PTPRN2: variants seen among roughly 807,000 people sequenced by gnomAD.
PTPRN2 encodes the protein protein tyrosine phosphatase receptor type N2, also known as receptor-type tyrosine-protein phosphatase N2.
PTPRN2 carries 74 observed loss-of-function variants against 118.8 expected under a neutral mutation model. The ratio of observed to expected loss-of-function variants is 0.62; its 90% CI spans 0.52 to 0.76. PTPRN2 has a LOEUF of 0.76. Ranked by LOEUF, PTPRN2 falls within the 30% of genes least tolerant of loss-of-function variation. The pLI is 0.00. For synonymous variants in PTPRN2, 641 were observed against 608.0 expected (o/e 1.05, Z -0.80); for missense variants, 1,481 against 1,394.4 (o/e 1.06, Z -0.99).
intron 2 of PTPRN2, among the ~76,000 whole-genome samples, chr7:158,349,950 G>A (rs1369420005): frequency 1.3e-5 from 2 of 152,142 alleles, no homozygotes; most frequent in Admixed American, 1.3e-4. Flanking sequence ...CCAAGAACAA[G>A]GGCGTTACTA....
chr7:158,297,028 T>C (rs557485336), intron 3 of PTPRN2, among the ~76,000 whole-genome samples: 8 of 152,320 alleles, frequency 5.3e-5, no homozygotes, highest in East Asian at 3.9e-4. Flanking sequence ...GGAATGTCCA[T>C]GGATAGCATT....
rs1816773813 is a variant in PTPRN2 at position 158,438,896 on chromosome 7, G to C, written c.163+50839C>G. On this transcript the variant is annotated intron_variant, in intron 2 of 22. Transcript: ENST00000389418. The surrounding 1 kb of genome is among the most constrained non-coding windows in gnomAD (Gnocchi z 4.7). ...AGGCTAAAGGGAAAAGTCAAGCTGG[G>C]AACTGCTCAGGGCAAACCTGCCTCC... Among the ~76,000 whole-genome samples the C allele has an allele frequency of 2.0e-5, 3 of 152,160 alleles. No individual in the cohort carries two copies. Among genetic ancestry groups the C allele is most frequent in the African/African-American group, 7.2e-5 (3 of 41,436 alleles).
chr7:157,644,825 A>G (rs1223744482), intron 14 of PTPRN2, among the ~76,000 whole-genome samples: 1 of 151,980 alleles, frequency 6.6e-6, no homozygotes, highest in East Asian at 1.9e-4. Context: ...ACAAAAAACA[A>G]AAGAAAACAA....
At chr7:157,956,854 T>C (rs1482048249) in intron 11 of PTPRN2, among the ~76,000 whole-genome samples, 1 of 152,260 alleles carries the variant, frequency 6.6e-6, no homozygotes, top group Non-Finnish European at 1.5e-5. Flanking sequence ...AATTCATGTT[T>C]GGAATTTACA....
At chr7:157,995,250 CATCCCCA>C (rs1563310989) in intron 11 of PTPRN2, among the ~76,000 whole-genome samples, 2 of 149,930 alleles carry the variant, frequency 1.3e-5, no homozygotes, top group Non-Finnish European at 3.0e-5. Flanking sequence ...ATCAACGCTG[CATCCCCA>C]GCTTACAACT....
chr7:158,253,051 G>C (rs745879267), intron 3 of PTPRN2, among the ~76,000 whole-genome samples: 2 of 152,204 alleles, frequency 1.3e-5, no homozygotes, highest in Non-Finnish European at 2.9e-5. Context: ...ACCAGACCTC[G>C]TTGTCCAGAC....
chr7:158,518,010 C>G (rs1379153660), intron 1 of PTPRN2, among the ~76,000 whole-genome samples: 1 of 152,212 alleles, frequency 6.6e-6, no homozygotes, highest in Non-Finnish European at 1.5e-5. Context: ...CAACATTCTC[C>G]CAGCTCCCTG....
chr7:157,884,509 G>C (rs1796346390), intron 12 of PTPRN2, among the ~76,000 whole-genome samples: 1 of 152,190 alleles, frequency 6.6e-6, no homozygotes, highest in African/African-American at 2.4e-5. Context: ...GGCTTCTCTG[G>C]TCCCCTCCTG....
chr7:158,325,283 G>C (rs1360043318), intron 2 of PTPRN2, among the ~76,000 whole-genome samples: 1 of 152,126 alleles, frequency 6.6e-6, no homozygotes, highest in Non-Finnish European at 1.5e-5. Flanking sequence ...CTGCTTACAG[G>C]CGCCTGTGGC....
intron 2 of PTPRN2, among the ~76,000 whole-genome samples, chr7:158,342,859 T>C (rs375921375): frequency 6.6e-6 from 1 of 151,930 alleles, no homozygotes; most frequent in African/African-American, 2.4e-5. Flanking sequence ...AACCTCATCA[T>C]CGTGCTCACT....
intron 3 of PTPRN2, among the ~76,000 whole-genome samples, chr7:158,303,182 A>AAAAAAAAAAAAAAAAC (rs1274915635): frequency 1.3e-5 from 2 of 151,686 alleles, no homozygotes; most frequent in African/African-American, 4.9e-5. Flanking sequence ...AAAAAAAAAA[A>AAAAAAAAAAAAAAAAC]AAATTCTTTG....
intron 11 of PTPRN2, among the ~76,000 whole-genome samples, chr7:158,066,422 T>G (rs951448308): frequency 6.6e-6 from 1 of 152,240 alleles, no homozygotes; most frequent in Non-Finnish European, 1.5e-5. Flanking sequence ...TCTGGCAGTT[T>G]TGCCACAGAA....
At chr7:157,879,538 C>CA in intron 12 of PTPRN2, among the ~76,000 whole-genome samples, 1 of 152,312 alleles carries the variant, frequency 6.6e-6, no homozygotes, top group Admixed American at 6.5e-5. Flanking sequence ...AGCAAAAACA[C>CA]AGACAATTTT....
At chr7:157,988,645 G>T (rs6971691) in intron 11 of PTPRN2, among the ~76,000 whole-genome samples, 1 of 152,202 alleles carries the variant, frequency 6.6e-6, no homozygotes, top group Non-Finnish European at 1.5e-5. Flanking sequence ...GGGAGCACAG[G>T]GGGGCTGGAG....
intron 5 of PTPRN2, among the ~76,000 whole-genome samples, chr7:158,172,461 C>T (rs547538979): frequency 1.3e-5 from 2 of 151,842 alleles, no homozygotes; most frequent in African/African-American, 2.4e-5. Context: ...ACAGCACCAT[C>T]CCTACCATCA....
chr7:157,835,498 G>A (rs529793350), intron 12 of PTPRN2, among the ~76,000 whole-genome samples: 8 of 152,290 alleles, frequency 5.3e-5, no homozygotes, highest in Non-Finnish European at 7.4e-5. Flanking sequence ...GCTAAAAGAG[G>A]GGATATTAGA....
intron 10 of PTPRN2, among the ~76,000 whole-genome samples, chr7:158,108,197 C>G (rs1387478481): frequency 1.3e-5 from 2 of 151,996 alleles, no homozygotes; most frequent in Non-Finnish European, 2.9e-5. Context: ...GCCCCATGCA[C>G]CTGCCACCTC....
intron 11 of PTPRN2, among the ~76,000 whole-genome samples, chr7:158,071,382 C>CCCA (rs1488932060): frequency 1.5e-4 from 9 of 58,788 alleles, no homozygotes; most frequent in East Asian, 7.6e-4. Flanking sequence ...GGTGGAGGTG[C>CCCA]TCGTGGTGGA....
At chr7:158,490,188 C>G (rs193209645) in intron 1 of PTPRN2, among the ~76,000 whole-genome samples, 1 of 152,230 alleles carries the variant, frequency 6.6e-6, no homozygotes, top group Non-Finnish European at 1.5e-5. Flanking sequence ...GCAAGGCTGC[C>G]GGGCGCCGGG....
Sources: allele counts gnomAD v4.1 joint callset (sites outside exome capture counted in the v4.1 genomes callset), GRCh38; gene constraint gnomAD v4.1.1; non-coding constraint Gnocchi (gnomAD v3.1); transcripts MANE v1.5; gene names NCBI Gene and HGNC (gene_info 2026-07-23, HGNC 2026-07-21).